The following EPHA3 variants were observed in gnomAD, a reference collection of about 807,000 sequenced individuals.
EPHA3 encodes EPH receptor A3.
Under a neutral mutation model 107.1 loss-of-function variants are expected in EPHA3, and 42 were observed. The ratio of observed to expected loss-of-function variants is 0.39; its 90% CI spans 0.31 to 0.51. The LOEUF is 0.51. Among genes scored for constraint, EPHA3 ranks in the 20% least tolerant of loss-of-function variants. EPHA3 has a pLI of 0.78. For missense variants in EPHA3, 1,183 were observed against 1,211.2 expected (o/e 0.98, Z 0.35); for synonymous variants, 461 against 424.8 (o/e 1.09, Z -1.05).
chr3:89,254,313 A>T (rs1705228140), intron 3 of EPHA3, among the ~76,000 whole-genome samples: 1 of 152,168 alleles, frequency 6.6e-6, no homozygotes, highest in African/African-American at 2.4e-5. Context: ...ATAGTCAATA[A>T]TCCTTGTACA....
intron 3 of EPHA3, among the ~76,000 whole-genome samples, chr3:89,226,604 C>A (rs760253781): frequency 6.6e-6 from 1 of 152,088 alleles, no homozygotes; most frequent in Non-Finnish European, 1.5e-5. Context: ...AGAACTTCAA[C>A]TGATCCATGA....
chr3:89,302,587 T>C (rs1447762446), intron 3 of EPHA3, among the ~76,000 whole-genome samples: 2 of 152,148 alleles, frequency 1.3e-5, no homozygotes, highest in Non-Finnish European at 2.9e-5. Flanking sequence ...GAATACCATA[T>C]GGTATTGATT....
rs561020476 is a variant in EPHA3 at position 89,154,286 on chromosome 3, A to ATTT, written c.153+27016_153+27018dup. Reference sequence around the variant, plus strand: ...TTTTTGTTTGTTTTTTTTTTTTTTTATTTTTATTTCTCATTCTTTGGACGC... The same window carrying ATTT: ...TTTTTGTTTGTTTTTTTTTTTTTTTATTTTTTTTATTTCTCATTCTTTGGACGC... On this transcript the variant is annotated intron_variant, in intron 2 of 16. Coordinates refer to ENST00000336596, the MANE Select transcript of EPHA3 (RefSeq NM_005233.6). Among the ~76,000 whole-genome samples the ATTT allele has an allele frequency of 1.1e-3, 160 of 143,430 alleles. No homozygotes were observed. The South Asian group carries it at 0.018, about 16-fold the overall frequency. 94.1% of individuals were successfully genotyped at this position (143,430 alleles called of 152,430 possible).
At position 89,481,546 on chromosome 3, in the gene EPHA3, T is replaced by C. The variant is rs1710622407; in HGVS notation, c.*2044T>C. 4.3e-6 allele frequency: 1 copy of C among 232,584 alleles called. No homozygotes were observed. Among genetic ancestry groups the C allele is most frequent in the African/African-American group, 2.2e-5 (1 of 45,434 alleles). 14.4% of individuals were successfully genotyped at this position (232,584 alleles called of 1,614,324 possible). Reference sequence around the variant, plus strand: ...TTTTTAGGTACTATTCTGAGCATACTCAACAAAACCCATGCATTTCATAAA... The same window carrying C: ...TTTTTAGGTACTATTCTGAGCATACCCAACAAAACCCATGCATTTCATAAA... On this transcript the variant is annotated 3_prime_UTR_variant, in exon 17 of 17. Transcript: ENST00000336596.
In EPHA3 at chr3:89,316,505, AATATATATAT is replaced by A. The variant is rs58576798; in HGVS notation, c.815-24385_815-24376del. Among the ~76,000 whole-genome samples the A allele has an allele frequency of 8.2e-3, 856 of 104,122 alleles. 9 individuals carry two copies. The highest frequency in any genetic ancestry group is 0.026 in the African/African-American group (739 of 28,426). The allele number at this position is 104,122 out of a possible 152,430, so 68.3% of individuals were successfully genotyped here. On this transcript the variant is annotated intron_variant, in intron 3 of 16. Transcript: ENST00000336596. ...TGTGTGTGTGTGTGTGTGTGTGTGT[AATATATATAT>A]ATATATATATATATATATATATATA...
intron 3 of EPHA3, among the ~76,000 whole-genome samples, chr3:89,266,126 CATTGAATAA>C (rs1487178364): frequency 6.6e-6 from 1 of 152,104 alleles, no homozygotes; most frequent in Non-Finnish European, 1.5e-5. Context: ...ACTCTAAACT[CATTGAATAA>C]TAAAAATAGC....
chr3:89,253,979 T>A (rs1268769817), intron 3 of EPHA3, among the ~76,000 whole-genome samples: 1 of 152,064 alleles, frequency 6.6e-6, no homozygotes, highest in Non-Finnish European at 1.5e-5. Context: ...TTAACCTTCT[T>A]AATTAGAAGC....
rs1707003671 is a variant in EPHA3, at chr3:89,107,697, G to C, written c.-52G>C. 6.5e-7 allele frequency: 1 copy of C among 1,530,512 alleles called. No individual in the cohort carries two copies. The highest frequency in any genetic ancestry group is 1.4e-5 in the African/African-American group (1 of 73,254). The allele number at this position is 1,530,512 out of a possible 1,614,324, so 94.8% of individuals were successfully genotyped here. ...AATCAGAGCGCTCCCCCTCACATCA[G>C]TGGCATGCTTCATGGAGATATGCTC... On this transcript the variant is annotated 5_prime_UTR_variant, in exon 1 of 17. Coordinates refer to ENST00000336596, the MANE Select transcript of EPHA3 (RefSeq NM_005233.6).
chr3:89,151,921 T>C (rs1704698288), intron 2 of EPHA3, among the ~76,000 whole-genome samples: 2 of 152,208 alleles, frequency 1.3e-5, no homozygotes, highest in South Asian at 2.1e-4. Flanking sequence ...TCCACTTACC[T>C]TTACTCTTAG....
At position 89,443,291 on chromosome 3, in the gene EPHA3, A is replaced by G. The variant is rs192920806; in HGVS notation, c.2347-5934A>G. Reference sequence around the variant, plus strand: ...TAGCATTCTACGAACTCTAAAACACATAATCCATACAACATCCTGTGACAT... The same window carrying G: ...TAGCATTCTACGAACTCTAAAACACGTAATCCATACAACATCCTGTGACAT... On this transcript the variant is annotated intron_variant, in intron 13 of 16. Transcript: ENST00000336596. 9.9e-3 allele frequency among the ~76,000 whole-genome samples: 1,501 copies of G among 152,322 alleles called. 26 individuals carry two copies. Among genetic ancestry groups the G allele is most frequent in the African/African-American group, 0.035 (1,438 of 41,578 alleles).
rs144727411 is a variant in EPHA3, at chr3:89,341,845, G to A, written c.1061G>A (p.Arg354Gln). ...DWSWPLDTGG[R>Q]KDVTFNIICK... The stretch of plus-strand genomic sequence containing the variant: ...AGTTGGCCCCTGGACACAGGAGGCC[G>A]GAAAGATGTTACCTTCAACATCATA... The change falls in exon 5 of 17, where the codon CGG (arginine) becomes CAG (glutamine). Residue 354 changes from arginine (R) to glutamine (Q), a missense_variant. Physicochemically the swap from Arg to Gln is conservative, Grantham distance 43 (BLOSUM62 1). Coordinates refer to ENST00000336596, the MANE Select transcript of EPHA3 (RefSeq NM_005233.6). 3.7e-6 allele frequency: 6 copies of A among 1,613,708 alleles called. No homozygotes were observed. The highest frequency in any genetic ancestry group is 1.1e-5 in the South Asian group (1 of 91,056).
chr3:89,199,469 TG>T (rs2107156913), intron 2 of EPHA3, among the ~76,000 whole-genome samples: 1 of 152,040 alleles, frequency 6.6e-6, no homozygotes, highest in Admixed American at 6.6e-5. Context: ...TTCTTGACAA[TG>T]GTGAATTATA....
chr3:89,140,874 G>T (rs1159628296), intron 2 of EPHA3, among the ~76,000 whole-genome samples: 3 of 151,546 alleles, frequency 2.0e-5, no homozygotes, highest in African/African-American at 7.3e-5. Context: ...TGTGTACTAG[G>T]TACTATTGTT....
chr3:89,367,389 A>G (rs1362717719), intron 5 of EPHA3, among the ~76,000 whole-genome samples: 2 of 150,628 alleles, frequency 1.3e-5, no homozygotes, highest in East Asian at 1.9e-4. Context: ...GTGTACCCAC[A>G]TAGGAATCAG....
chr3:89,269,669 A>G (rs146494617), intron 3 of EPHA3, among the ~76,000 whole-genome samples: 233 of 150,352 alleles, frequency 1.5e-3, no homozygotes, highest in African/African-American at 5.6e-3. Flanking sequence ...TTAGTTACAC[A>G]TGTATACATG....
chr3:89,223,684 C>A (rs1229941757), intron 3 of EPHA3, among the ~76,000 whole-genome samples: 1 of 152,010 alleles, frequency 6.6e-6, no homozygotes, highest in Non-Finnish European at 1.5e-5. Context: ...AAAATGATGG[C>A]GTGACTTGAC....
At position 89,254,222 on chromosome 3, in the gene EPHA3, G is replaced by T. The variant is rs561307733; in HGVS notation, c.814+43702G>T. Among the ~76,000 whole-genome samples the T allele has an allele frequency of 2.7e-4, 41 of 152,110 alleles. 1 individual carries two copies. Among genetic ancestry groups the T allele is most frequent in the African/African-American group, 8.0e-4 (33 of 41,502 alleles). ...TTAAAATATTTTGAAAACATAGCTT[G>T]GAATTTGCATTGTTTAGTTAAAAAA... is the stretch of plus-strand genomic sequence containing the variant. On this transcript the variant is annotated intron_variant, in intron 3 of 16. Coordinates refer to ENST00000336596, the MANE Select transcript of EPHA3 (RefSeq NM_005233.6).
rs140843385 is a variant in EPHA3 at position 89,414,430 on chromosome 3, A to T, written c.1888+1164A>T. ...ACTTGAGAGTAAACATATTCGCTGT[A>T]CATCTGTGCTGATCCAGTGCCAAAA... is the stretch of plus-strand genomic sequence containing the variant. On this transcript the variant is annotated intron_variant, in intron 10 of 16. Coordinates refer to ENST00000336596, the MANE Select transcript of EPHA3 (RefSeq NM_005233.6). 4.0e-5 allele frequency among the ~76,000 whole-genome samples: 6 copies of T among 151,820 alleles called. No homozygotes were observed. In the East Asian group the frequency reaches 1.2e-3, roughly 29 times the overall value.
intron 3 of EPHA3, among the ~76,000 whole-genome samples, chr3:89,224,719 T>C (rs1704459763): frequency 6.6e-6 from 1 of 151,788 alleles, no homozygotes; most frequent in Non-Finnish European, 1.5e-5. Flanking sequence ...AGTGGTGTCA[T>C]GCATCTGTAA....
Sources: allele counts gnomAD v4.1 joint callset (sites outside exome capture counted in the v4.1 genomes callset), GRCh38; gene constraint gnomAD v4.1.1; transcripts MANE v1.5; gene names NCBI Gene and HGNC (gene_info 2026-07-23, HGNC 2026-07-21).